ODR4: variants seen among roughly 807,000 people sequenced by gnomAD.
ODR4 encodes protein odr-4 homolog.
ODR4 carries 47 observed loss-of-function variants against 60.2 expected under a neutral mutation model. The observed-to-expected ratio is 0.78, with a 90% CI of 0.62 to 1.00. ODR4 has a LOEUF of 1.00. Ranked by LOEUF, ODR4 falls within the 50% of genes least tolerant of loss-of-function variation. The pLI is 0.00. For synonymous variants in ODR4, 178 were observed against 175.5 expected, an observed-to-expected ratio of 1.01 and a Z score of -0.11; for missense variants, 488 against 530.8, an observed-to-expected ratio of 0.92 and a Z score of 0.79.
intron 5 of ODR4, 132 bp from the exon 6 acceptor site, chr1:186,389,456 A>C (rs1003127): frequency 3.0e-6 from 2 of 662,284 alleles, no homozygotes; most frequent in African/African-American, 1.8e-5. Flanking sequence ...ATATGTACGC[A>C]TATCTTTAAA....
At position 186,379,636 on chromosome 1, in the gene ODR4, A is replaced by C. The variant is rs539045218; in HGVS notation, c.-19-131A>C. On this transcript the variant is annotated intron_variant, in intron 1 of 13. Transcript: ENST00000287859. ...CTTTGCAAGAAGGAATACACTATGT[A>C]ATAAGTATTTGCTGCAAGGCATGAG... 52 of 523,468 alleles carry C rather than the reference A, an allele frequency of 9.9e-5. 1 individual carries two copies. The East Asian group carries it at 1.4e-3, about 14-fold the overall frequency. 32.4% of individuals were successfully genotyped at this position (523,468 alleles called of 1,614,324 possible).
chr1:186,402,016 C>T (rs996054091), intron 11 of ODR4, among the ~76,000 whole-genome samples: 1 of 151,986 alleles, frequency 6.6e-6, no homozygotes, highest in East Asian at 1.9e-4. Flanking sequence ...CTGATTCAAT[C>T]GTGATTTTTT....
At chr1:186,388,878 T>C (rs989383003) in intron 5 of ODR4, among the ~76,000 whole-genome samples, 7 of 152,164 alleles carry the variant, frequency 4.6e-5, no homozygotes, top group African/African-American at 1.4e-4. Context: ...AAAGTAATGT[T>C]TTTATTATGT....
intron 3 of ODR4, among the ~76,000 whole-genome samples, chr1:186,385,183 T>A (rs1660206956): frequency 6.6e-6 from 1 of 151,586 alleles, no homozygotes; most frequent in South Asian, 2.1e-4. Flanking sequence ...TATTTTAAGG[T>A]AAAATTAGAT....
chr1:186,394,995 TTTA>T (rs1558074787), intron 9 of ODR4, among the ~76,000 whole-genome samples: 1 of 152,264 alleles, frequency 6.6e-6, no homozygotes, highest in South Asian at 2.1e-4. Flanking sequence ...TTAAGATTAT[TTTA>T]TTAGTAGTAT....
intron 13 of ODR4, among the ~76,000 whole-genome samples, chr1:186,418,322 G>C (rs1484598552): frequency 7.7e-6 from 1 of 130,266 alleles, no homozygotes; most frequent in Non-Finnish European, 1.6e-5. Flanking sequence ...ACGGAGTCTC[G>C]CTCTGTCGCC....
chr1:186,391,524 CA>C (rs397863285), intron 7 of ODR4, among the ~76,000 whole-genome samples, 171 bp from the exon 8 acceptor site: 1 of 151,522 alleles, frequency 6.6e-6, no homozygotes, highest in Non-Finnish European at 1.5e-5. Context: ...AATAAGGTAT[CA>C]AGAATGGGGG....
chr1:186,422,332 A>G (rs538020617), downstream of ODR4, among the ~76,000 whole-genome samples: 7 of 152,318 alleles, frequency 4.6e-5, no homozygotes, highest in Admixed American at 2.6e-4. Flanking sequence ...CCCAAAATGT[A>G]TGAACTGAAG....
At chr1:186,416,830 TG>T (rs1165623708) in intron 12 of ODR4, among the ~76,000 whole-genome samples, 1 of 120,074 alleles carries the variant, frequency 8.3e-6, no homozygotes, top group African/African-American at 3.2e-5. Context: ...CACTCCAGCC[TG>T]GGTGACAGAG....
At chr1:186,378,118 C>G (rs1375057808) in intron 1 of ODR4, among the ~76,000 whole-genome samples, 1 of 151,728 alleles carries the variant, frequency 6.6e-6, no homozygotes, top group Non-Finnish European at 1.5e-5. Context: ...CTCATTGAAA[C>G]AATAAGGAAA....
intron 12 of ODR4, among the ~76,000 whole-genome samples, chr1:186,406,865 GT>G (rs955629430): frequency 2.6e-5 from 4 of 151,874 alleles, no homozygotes; most frequent in Non-Finnish European, 4.4e-5. Context: ...GACTGTTTGG[GT>G]TTTTTGCTTT....
chr1:186,379,667 C>A, intron 1 of ODR4, 100 bp from the exon 2 acceptor site: 1 of 639,228 alleles, frequency 1.6e-6, no homozygotes, highest in Non-Finnish European at 2.7e-6. Context: ...ATGAGATAGC[C>A]TCAGGATAGT....
intron 11 of ODR4, among the ~76,000 whole-genome samples, chr1:186,404,691 A>G (rs1661109749): frequency 6.6e-6 from 1 of 152,230 alleles, no homozygotes; most frequent in African/African-American, 2.4e-5. Flanking sequence ...AAACAAGATA[A>G]TACACAGAAT....
chr1:186,388,608 G>A lies in ODR4; in HGVS notation c.437+60G>A, dbSNP rs918277245. 8 of 954,414 alleles carry A rather than the reference G, an allele frequency of 8.4e-6. No homozygotes were observed. In the Admixed American group the frequency reaches 1.8e-4, roughly 22 times the overall value. The allele number at this position is 954,414 out of a possible 1,614,324, so 59.1% of individuals were successfully genotyped here. ...AAGTACCAAAATAATATTCTTGCAAGGTTTTTTTGCTATTTATTTAAATCA... is the reference window on the plus strand; with the variant it reads ...AAGTACCAAAATAATATTCTTGCAAAGTTTTTTTGCTATTTATTTAAATCA... On this transcript the variant is annotated intron_variant, in intron 5 of 13. Transcript: ENST00000287859.
intron 4 of ODR4, among the ~76,000 whole-genome samples, chr1:186,386,846 C>A (rs1383339051): frequency 6.6e-6 from 1 of 152,116 alleles, no homozygotes; most frequent in Non-Finnish European, 1.5e-5. Flanking sequence ...TTCCTGGACA[C>A]AGTATCTATC....
chr1:186,376,372 C>T (rs1415240046), intron 1 of ODR4, among the ~76,000 whole-genome samples: 1 of 151,990 alleles, frequency 6.6e-6, no homozygotes, highest in African/African-American at 2.4e-5. Context: ...TGTATGGTTC[C>T]AGATCATAAT....
downstream of ODR4, among the ~76,000 whole-genome samples, chr1:186,425,295 A>G (rs1661864976): frequency 6.6e-6 from 1 of 152,200 alleles, no homozygotes; most frequent in Non-Finnish European, 1.5e-5. Context: ...CCAGCCTACG[A>G]TGGTGAGTCA....
At chr1:186,421,740 T>C (rs958737758), downstream of ODR4, among the ~76,000 whole-genome samples, 2 of 152,048 alleles carry the variant, frequency 1.3e-5, no homozygotes, top group African/African-American at 4.8e-5. Context: ...GGCATGCGCC[T>C]GTAATCCTAG....
chr1:186,376,688 T>C (rs1659783229), intron 1 of ODR4, among the ~76,000 whole-genome samples: 1 of 152,222 alleles, frequency 6.6e-6, no homozygotes, highest in African/African-American at 2.4e-5. Context: ...TCCCCAAAAA[T>C]ATTTTTTAGA....
Sources: gnomAD v4.1 joint callset for allele counts (sites outside exome capture counted in the v4.1 genomes callset) on GRCh38, gnomAD v4.1.1 for gene constraint, MANE v1.5 for transcripts, NCBI Gene and HGNC (gene_info 2026-07-23, HGNC 2026-07-21) for gene names.